Variants in RSF1 observed in about 807,000 individuals in gnomAD.
RSF1 encodes the protein remodeling and spacing factor 1, also known as HBV pX-associated protein 8.
In RSF1, 13 loss-of-function variants were observed where a neutral mutation model predicts 145.2. That is an observed-to-expected ratio of 0.09 (90% CI 0.06 to 0.14). The LOEUF (loss-of-function observed/expected upper bound fraction) is 0.14. Among genes scored for constraint, RSF1 ranks in the 10% least tolerant of loss-of-function variants. The pLI is 1.00. For synonymous variants in RSF1, 577 were observed against 592.6 expected (o/e 0.97, Z 0.38); for missense variants, 1,517 against 1,718.2 (o/e 0.88, Z 2.07).
the RSF1 span, among the ~76,000 whole-genome samples, chr11:77,864,390 A>G: frequency 6.6e-6 from 1 of 151,850 alleles, no homozygotes; most frequent in Admixed American, 6.6e-5. Context: ...CAGTGAGCCA[A>G]GATCAAGCCA....
intron 1 of RSF1, among the ~76,000 whole-genome samples, chr11:77,807,672 G>C (rs990838710): frequency 6.6e-6 from 1 of 152,214 alleles, no homozygotes; most frequent in Non-Finnish European, 1.5e-5. Context: ...GGTAAGAACA[G>C]ACATTCCTGA....
chr11:77,715,321 A>C (rs905734646), intron 5 of RSF1, among the ~76,000 whole-genome samples: 6 of 152,230 alleles, frequency 3.9e-5, no homozygotes, highest in African/African-American at 1.4e-4. Context: ...ACAGATGGTG[A>C]TAATAAAGAG....
At chr11:77,735,146 G>T in intron 4 of RSF1, 12 of 708,298 alleles carry the variant, frequency 1.7e-5, no homozygotes, top group South Asian at 1.6e-4. Flanking sequence ...GGCTATGGGC[G>T]GCCGGCTGGG....
At chr11:77,779,048 G>A (rs1050111236) in intron 1 of RSF1, among the ~76,000 whole-genome samples, 5 of 151,854 alleles carry the variant, frequency 3.3e-5, no homozygotes, top group Admixed American at 6.6e-5. Context: ...AGGTTCAAGC[G>A]ATCTCATGTC....
At chr11:77,757,569 T>C (rs1397259516) in intron 2 of RSF1, among the ~76,000 whole-genome samples, 1 of 152,040 alleles carries the variant, frequency 6.6e-6, no homozygotes, top group Non-Finnish European at 1.5e-5. Flanking sequence ...TCCCAGCTAC[T>C]TGGGAGGCCA....
intron 2 of RSF1, among the ~76,000 whole-genome samples, chr11:77,751,501 T>C (rs138956267): frequency 2.6e-5 from 4 of 152,310 alleles, no homozygotes; most frequent in Admixed American, 6.5e-5. Context: ...TTGAGATGCA[T>C]ATGTATTTCC....
rs774642000 is a variant in RSF1 at position 77,701,552 on chromosome 11, G to A, written c.1677C>T (p.Thr559=). Residue 559 remains threonine, a synonymous_variant, in exon 6 of 16, where the codon ACC becomes ACT. Coordinates refer to ENST00000308488, the MANE Select transcript of RSF1 (RefSeq NM_016578.4). ...DLSSKTALSS[T]ESCTMKGEEK... ...CTTCACCTTTCATGGTACACGACTC[G>A]GTGGAAGATAAAGCAGTTTTTGAAG... 16 of 1,613,826 alleles carry A rather than the reference G, an allele frequency of 9.9e-6. No individual in the cohort carries two copies. Among genetic ancestry groups the A allele is most frequent in the East Asian group, 2.2e-5 (1 of 44,888 alleles).
the RSF1 span, among the ~76,000 whole-genome samples, chr11:77,839,818 G>A: frequency 6.6e-6 from 1 of 152,106 alleles, no homozygotes; most frequent in East Asian, 1.9e-4. Context: ...GGGGCTTGCT[G>A]GTGGGGGTCA....
rs568430181 is a variant in RSF1, at chr11:77,670,950, T to C, written c.3751+1092A>G. ...GGTGAAACCCCATCTCTACTAAAAA[T>C]ACAAAAATTAGCCAGGCTTGGTGGC... On this transcript the variant is annotated intron_variant, in intron 15 of 15. Coordinates refer to ENST00000308488, the MANE Select transcript of RSF1 (RefSeq NM_016578.4). Among the ~76,000 whole-genome samples the C allele has an allele frequency of 5.3e-5, 8 of 150,090 alleles. No individual in the cohort carries two copies. The East Asian group carries it at 1.2e-3, about 22-fold the overall frequency.
At chr11:77,670,833 G>A (rs1256449422) in intron 15 of RSF1, among the ~76,000 whole-genome samples, 6 of 151,786 alleles carry the variant, frequency 4.0e-5, no homozygotes, top group South Asian at 2.1e-4. Flanking sequence ...AAAGCCGGGC[G>A]CGGTGGCTCA....
At chr11:77,685,382 A>T (rs939662106) in intron 9 of RSF1, among the ~76,000 whole-genome samples, 2 of 152,070 alleles carry the variant, frequency 1.3e-5, no homozygotes, top group Admixed American at 6.6e-5. Flanking sequence ...TGCAACCTCT[A>T]CTTCCCGGGT....
intron 1 of RSF1, among the ~76,000 whole-genome samples, chr11:77,785,848 C>G (rs1174623136): frequency 7.4e-6 from 1 of 135,916 alleles, no homozygotes; most frequent in Admixed American, 8.5e-5. Flanking sequence ...ATGGCGTGAA[C>G]CTGGGAGGCA....
intron 1 of RSF1, among the ~76,000 whole-genome samples, chr11:77,775,397 T>C (rs1948331931): frequency 1.3e-5 from 2 of 152,190 alleles, no homozygotes; most frequent in Non-Finnish European, 2.9e-5. Context: ...TTCAGAGCAC[T>C]GTGGGAGCGA....
the RSF1 span, among the ~76,000 whole-genome samples, chr11:77,834,335 A>G: frequency 6.6e-6 from 1 of 152,158 alleles, no homozygotes; most frequent in Non-Finnish European, 1.5e-5. Flanking sequence ...TAAACACATA[A>G]TGAAGATCAG....
the RSF1 span, among the ~76,000 whole-genome samples, chr11:77,852,872 C>A: frequency 1.4e-4 from 21 of 151,952 alleles, no homozygotes; most frequent in Admixed American, 1.3e-3. Flanking sequence ...AGAGATATGT[C>A]TTTTTCTTTT....
chr11:77,859,995 G>T, the RSF1 span, among the ~76,000 whole-genome samples: 9 of 152,226 alleles, frequency 5.9e-5, no homozygotes, highest in Admixed American at 2.0e-4. Context: ...TATTAAGACT[G>T]CTATTGCTGC....
At chr11:77,767,679 T>C (rs1292893324) in intron 1 of RSF1, among the ~76,000 whole-genome samples, 1 of 152,174 alleles carries the variant, frequency 6.6e-6, no homozygotes, top group Admixed American at 6.5e-5. Context: ...GCAATACAAG[T>C]CCCGAAAGTC....
chr11:77,703,228 A>G (rs1027554578), intron 5 of RSF1: 2 of 152,174 alleles, frequency 1.3e-5, no homozygotes, highest in African/African-American at 4.8e-5. Context: ...ATACAAAGAA[A>G]CTGTTTAGAT....
At chr11:77,821,124 A>T (rs1157491497), upstream of RSF1, 4 of 424,488 alleles carry the variant, frequency 9.4e-6, no homozygotes, top group East Asian at 1.4e-4. Flanking sequence ...GTTCAACTGC[A>T]GGGCGTATTC....
Sources: gnomAD v4.1 joint callset for allele counts (sites outside exome capture counted in the v4.1 genomes callset) on GRCh38, gnomAD v4.1.1 for gene constraint, MANE v1.5 for transcripts, NCBI Gene and HGNC (gene_info 2026-07-23, HGNC 2026-07-21) for gene names.